Variants in KATNIP observed in about 807,000 individuals in gnomAD.
KATNIP encodes katanin-interacting protein.
KATNIP carries 126 observed loss-of-function variants against 174.0 expected under a neutral mutation model. That is an observed-to-expected ratio of 0.72 (90% CI 0.63 to 0.84). The LOEUF (loss-of-function observed/expected upper bound fraction) is 0.84. Ranked by LOEUF, KATNIP falls within the 40% of genes least tolerant of loss-of-function variation. The pLI, the probability that KATNIP is intolerant of heterozygous loss-of-function variation, is 0.00. For missense variants in KATNIP, 1,958 were observed against 2,109.7 expected, an observed-to-expected ratio of 0.93 and a Z score of 1.41; for synonymous variants, 810 against 835.7, an observed-to-expected ratio of 0.97 and a Z score of 0.53.
At chr16:27,658,214 G>C (rs181130968) in intron 6 of KATNIP, among the ~76,000 whole-genome samples, 58 of 152,308 alleles carry the variant, frequency 3.8e-4, no homozygotes, top group Admixed American at 7.8e-4. Flanking sequence ...TTGTCGCAAT[G>C]TTTGAGAACC....
At chr16:27,648,778 G>T in intron 6 of KATNIP, 43 bp downstream of exon 6, 2 of 1,595,712 alleles carry the variant, frequency 1.3e-6, no homozygotes, top group Non-Finnish European at 1.7e-6. Context: ...CCTGAAGGAC[G>T]GCGAGGCTCG....
At chr16:27,606,229 G>GA (rs1449345903) in intron 2 of KATNIP, among the ~76,000 whole-genome samples, 1 of 152,230 alleles carries the variant, frequency 6.6e-6, no homozygotes, top group African/African-American at 2.4e-5. Context: ...GACTCACTGG[G>GA]AGAATAGAGG....
chr16:27,750,376 C>A, intron 16 of KATNIP, 70 bp downstream of exon 16: 6 of 1,433,814 alleles, frequency 4.2e-6, no homozygotes, highest in African/African-American at 1.4e-5. Context: ...TGGGAAAAAA[C>A]AGACCAGCTG....
At chr16:27,571,303 A>G (rs1261409752) in intron 1 of KATNIP, among the ~76,000 whole-genome samples, 1 of 152,152 alleles carries the variant, frequency 6.6e-6, no homozygotes, top group Non-Finnish European at 1.5e-5. Flanking sequence ...TAAGTGTTAG[A>G]ATTACAGGCA....
At chr16:27,761,065 G>T (rs1275170986) in intron 18 of KATNIP, among the ~76,000 whole-genome samples, 1 of 152,220 alleles carries the variant, frequency 6.6e-6, no homozygotes, top group East Asian at 1.9e-4. Context: ...CAGAGAAGTA[G>T]ATAGAAGTCT....
chr16:27,680,663 C>T (rs2078300613), intron 7 of KATNIP, among the ~76,000 whole-genome samples: 1 of 148,520 alleles, frequency 6.7e-6, no homozygotes, highest in Admixed American at 6.7e-5. Context: ...GCTGGGACTA[C>T]AAGCACGTGC....
chr16:27,604,564 C>T lies in KATNIP; in HGVS notation c.64-13861C>T, dbSNP rs896769626. 3.3e-5 allele frequency among the ~76,000 whole-genome samples: 5 copies of T among 152,288 alleles called. No individual in the cohort carries two copies. In the East Asian group the frequency reaches 7.7e-4, roughly 24 times the overall value. On this transcript the variant is annotated intron_variant, in intron 2 of 27. Coordinates refer to ENST00000261588, the MANE Select transcript of KATNIP (RefSeq NM_015202.5). ...TACTTTTTGGAAATCATCTGTCTTC[C>T]TTTCGCTAGAATGTGAACTCTGTGG...
Position 27,768,564 on chromosome 16 carries a change from C to A in KATNIP, c.3976-1297C>A, listed in dbSNP as rs182548416. The stretch of plus-strand genomic sequence containing the variant: ...CCAGCAGAAGAGAAAGCTCCCCTTT[C>A]CAGGCAAGCCAGCAAAACCCCAGGA... On this transcript the variant is annotated intron_variant, in intron 20 of 27. Coordinates refer to ENST00000261588, the MANE Select transcript of KATNIP (RefSeq NM_015202.5). 3.8e-3 allele frequency among the ~76,000 whole-genome samples: 575 copies of A among 152,296 alleles called. 3 individuals are homozygous for A. The highest frequency in any genetic ancestry group is 5.5e-3 in the Non-Finnish European group (375 of 68,018).
chr16:27,770,067 C>T (rs80151013), intron 21 of KATNIP, 49 bp downstream of exon 21: 25 of 1,591,166 alleles, frequency 1.6e-5, no homozygotes, highest in Middle Eastern at 3.6e-4. Context: ...CCCCTGGGCC[C>T]GCTTGCTTTG....
chr16:27,661,448 A>G (rs2077470524), intron 6 of KATNIP, among the ~76,000 whole-genome samples: 1 of 151,530 alleles, frequency 6.6e-6, no homozygotes, highest in African/African-American at 2.4e-5. Flanking sequence ...CTGGAGTGCA[A>G]TGGCATGGTC....
At chr16:27,721,094 C>A (rs533273992) in intron 13 of KATNIP, among the ~76,000 whole-genome samples, 9 of 152,176 alleles carry the variant, frequency 5.9e-5, no homozygotes, top group Non-Finnish European at 8.8e-5. Flanking sequence ...GCCCAACCAA[C>A]GACTGAGCTA....
intron 5 of KATNIP, 57 bp from the exon 6 acceptor site, chr16:27,648,547 G>T (rs1029029192): frequency 1.2e-6 from 2 of 1,601,166 alleles, no homozygotes; most frequent in Non-Finnish European, 1.7e-6. Context: ...TCCCTGCCCC[G>T]CAGAGGAATG....
intron 14 of KATNIP, among the ~76,000 whole-genome samples, chr16:27,723,252 C>T (rs545115903): frequency 6.2e-4 from 95 of 152,270 alleles, no homozygotes; most frequent in Admixed American, 1.1e-3. Flanking sequence ...TCAAGGTCAA[C>T]CCCCTGAGTG....
At chr16:27,628,608 G>T (rs936914912) in intron 3 of KATNIP, 53 bp from the exon 4 acceptor site, 1 of 1,583,504 alleles carries the variant, frequency 6.3e-7, no homozygotes, top group African/African-American at 1.3e-5. Context: ...TGGGGGTACA[G>T]CAGCCCAGAC....
At chr16:27,773,729 G>A (rs1444032746) in intron 23 of KATNIP, among the ~76,000 whole-genome samples, 1 of 152,094 alleles carries the variant, frequency 6.6e-6, no homozygotes, top group Non-Finnish European at 1.5e-5. Flanking sequence ...CTGAGAAATT[G>A]GCAACACAGG....
intron 17 of KATNIP, among the ~76,000 whole-genome samples, chr16:27,752,386 C>T (rs2081555158): frequency 6.6e-6 from 1 of 152,180 alleles, no homozygotes; most frequent in Admixed American, 6.5e-5. Context: ...CTTGTTTCAC[C>T]CTCATGACAA....
At chr16:27,757,546 G>A in intron 18 of KATNIP, 2 of 984,440 alleles carry the variant, frequency 2.0e-6, no homozygotes, top group Non-Finnish European at 2.4e-6. Context: ...CTTTCACAGA[G>A]ATGTTATTTC....
intron 12 of KATNIP, among the ~76,000 whole-genome samples, chr16:27,705,779 G>A (rs770938436): frequency 1.5e-4 from 23 of 151,982 alleles, no homozygotes; most frequent in Non-Finnish European, 2.9e-4. Flanking sequence ...TTGCTCACTC[G>A]ATCCTCCCAC....
chr16:27,562,639 G>T (rs1439891585), intron 1 of KATNIP, among the ~76,000 whole-genome samples: 2 of 152,212 alleles, frequency 1.3e-5, no homozygotes, highest in Non-Finnish European at 2.9e-5. Context: ...TGGGGAACTG[G>T]AATGGCTGGA....
Sources: allele counts gnomAD v4.1 joint callset (sites outside exome capture counted in the v4.1 genomes callset), GRCh38; gene constraint gnomAD v4.1.1; transcripts MANE v1.5; gene names NCBI Gene and HGNC (gene_info 2026-07-23, HGNC 2026-07-21).